The following RAP1A variants were observed in gnomAD, a reference collection of about 807,000 sequenced individuals.
The protein encoded by RAP1A is ras-related protein Rap-1A.
Under a neutral mutation model 26.4 loss-of-function variants are expected in RAP1A, and 6 were observed. That is an observed-to-expected ratio of 0.23 (90% CI 0.12 to 0.45). The LOEUF is 0.45. RAP1A is among the 20% of genes least tolerant of loss of function. The pLI, the probability that RAP1A is intolerant of heterozygous loss-of-function variation, is 0.99. For synonymous variants in RAP1A, 73 were observed against 79.4 expected (o/e 0.92, Z 0.43); for missense variants, 121 against 217.2 (o/e 0.56, Z 2.78).
intron 1 of RAP1A, among the ~76,000 whole-genome samples, chr1:111,638,856 T>G (rs1659804498): frequency 6.7e-6 from 1 of 149,694 alleles, no homozygotes; most frequent in African/African-American, 2.5e-5. Flanking sequence ...TGGCTAGGTG[T>G]TGGTTTTTAT....
intron 1 of RAP1A, among the ~76,000 whole-genome samples, chr1:111,675,957 G>T (rs1205917045): frequency 2.0e-5 from 3 of 152,194 alleles, no homozygotes; most frequent in African/African-American, 7.2e-5. Context: ...CCTTATCAAA[G>T]ATCTTGTGAG....
intron 1 of RAP1A, among the ~76,000 whole-genome samples, chr1:111,581,646 T>C (rs1244579118): frequency 6.6e-6 from 1 of 152,214 alleles, no homozygotes; most frequent in East Asian, 1.9e-4. Context: ...ATAAATAGAT[T>C]CCATCCTGTT....
chr1:111,599,169 G>T (rs1404989389), intron 1 of RAP1A, among the ~76,000 whole-genome samples: 7 of 151,910 alleles, frequency 4.6e-5, no homozygotes, highest in African/African-American at 1.5e-4. Flanking sequence ...CATTACATAG[G>T]CATGATTCAT....
At chr1:111,692,703 A>G (rs969913648) in intron 2 of RAP1A, among the ~76,000 whole-genome samples, 3 of 152,192 alleles carry the variant, frequency 2.0e-5, no homozygotes, top group Non-Finnish European at 4.4e-5. Context: ...CCGATATGTA[A>G]TGATATCCAA....
chr1:111,679,892 G>A (rs1256890507), intron 1 of RAP1A, among the ~76,000 whole-genome samples: 1 of 152,210 alleles, frequency 6.6e-6, no homozygotes, highest in Non-Finnish European at 1.5e-5. Flanking sequence ...GCCCCAGTCA[G>A]GGGCTTTATA....
At chr1:111,583,919 T>C in intron 1 of RAP1A, among the ~76,000 whole-genome samples, 1 of 144,042 alleles carries the variant, frequency 6.9e-6, no homozygotes, top group Admixed American at 7.3e-5. Flanking sequence ...CTCACTCTGT[T>C]GCCCAGGCTG....
chr1:111,672,451 T>G (rs1478092765), intron 1 of RAP1A, among the ~76,000 whole-genome samples: 1 of 152,202 alleles, frequency 6.6e-6, no homozygotes, highest in Non-Finnish European at 1.5e-5. Flanking sequence ...GAATCGAGTC[T>G]AAATCTCTGA....
chr1:111,587,085 A>C (rs55909365), intron 1 of RAP1A, among the ~76,000 whole-genome samples: 40,617 of 151,430 alleles, frequency 0.27, 7,004 homozygotes, highest in African/African-American at 0.5. Context: ...TCCCAGCCCT[A>C]CTCCTCCTTG....
intron 5 of RAP1A, 102 bp from the exon 6 acceptor site, chr1:111,704,241 C>G: frequency 8.0e-7 from 1 of 1,252,616 alleles, no homozygotes; most frequent in Non-Finnish European, 1.1e-6. Context: ...GCGGTCCCAA[C>G]TAATGCATTT....
chr1:111,690,803 G>A (rs1334724902), intron 1 of RAP1A, among the ~76,000 whole-genome samples: 1 of 152,110 alleles, frequency 6.6e-6, no homozygotes, highest in Non-Finnish European at 1.5e-5. Context: ...TGCCTATAGT[G>A]TTTAGCAATT....
intron 1 of RAP1A, among the ~76,000 whole-genome samples, chr1:111,609,437 A>G (rs1192990708): frequency 6.6e-6 from 1 of 151,976 alleles, no homozygotes; most frequent in Non-Finnish European, 1.5e-5. Context: ...TTTTACTTAA[A>G]TGTTAGTCAT....
intron 1 of RAP1A, among the ~76,000 whole-genome samples, chr1:111,591,337 C>T (rs1248842857): frequency 6.6e-6 from 1 of 151,988 alleles, no homozygotes; most frequent in Admixed American, 6.6e-5. Context: ...TTAATTTCTG[C>T]TCTGTTAATA....
In RAP1A at chr1:111,715,327, C is replaced by T. The variant is rs540977117; in HGVS notation, c.*2926C>T. 6.6e-6 allele frequency: 1 copy of T among 151,320 alleles called. No individual in the cohort carries two copies. The highest frequency in any genetic ancestry group is 1.5e-5 in the Non-Finnish European group (1 of 67,796). 9.4% of individuals were successfully genotyped at this position (151,320 alleles called of 1,614,324 possible). ...TCCTGACTTCGTGATCCGCCCCCCC[C>T]TCAGCCTCCCAAAGTGCTGGGATTA... On this transcript the variant is annotated 3_prime_UTR_variant, in exon 8 of 8. Coordinates refer to ENST00000369709, the MANE Select transcript of RAP1A (RefSeq NM_002884.4).
chr1:111,678,966 T>A lies in RAP1A; in HGVS notation c.-27-12368T>A, dbSNP rs1016045206. On this transcript the variant is annotated intron_variant, in intron 1 of 7. Transcript: ENST00000369709. ...GAAGTGGTAAGAGTAGACATATTGATACAATAAAAAGAAAAACCATATACT... is the reference window on the plus strand; with the variant it reads ...GAAGTGGTAAGAGTAGACATATTGAAACAATAAAAAGAAAAACCATATACT... 2.0e-5 allele frequency among the ~76,000 whole-genome samples: 3 copies of A among 152,088 alleles called. No homozygotes were observed. The South Asian group carries it at 6.2e-4, about 32-fold the overall frequency.
At chr1:111,563,221 G>A (rs1188841058) in intron 1 of RAP1A, among the ~76,000 whole-genome samples, 1 of 152,082 alleles carries the variant, frequency 6.6e-6, no homozygotes, top group East Asian at 1.9e-4. Flanking sequence ...GCCACGATGA[G>A]CCATGATTAG....
chr1:111,688,265 C>CTGTGTGTGTG (rs60277735), intron 1 of RAP1A, among the ~76,000 whole-genome samples: 8 of 135,408 alleles, frequency 5.9e-5, no homozygotes, highest in East Asian at 2.1e-4. Context: ...CACAAGAAGT[C>CTGTGTGTGTG]TGTGTGTGTG....
intron 6 of RAP1A, 93 bp downstream of exon 6, chr1:111,704,579 AAGCAATCTTG>A: frequency 3.8e-6 from 5 of 1,304,966 alleles, no homozygotes; most frequent in Non-Finnish European, 5.1e-6. Context: ...TTTATCTTTT[AAGCAATCTTG>A]ATTCCATAAT....
intron 1 of RAP1A, among the ~76,000 whole-genome samples, chr1:111,642,645 G>A (rs1326235195): frequency 1.3e-5 from 2 of 150,372 alleles, no homozygotes; most frequent in East Asian, 2.0e-4. Context: ...CTGCCACCAC[G>A]CGCGGCTAGT....
chr1:111,710,629 C>T (rs1166338450), intron 7 of RAP1A, among the ~76,000 whole-genome samples: 1 of 152,180 alleles, frequency 6.6e-6, no homozygotes, highest in Non-Finnish European at 1.5e-5. Context: ...CAATTAACTA[C>T]TGTGTGCTTC....
Sources: allele counts gnomAD v4.1 joint callset (sites outside exome capture counted in the v4.1 genomes callset), GRCh38; gene constraint gnomAD v4.1.1; transcripts MANE v1.5; gene names NCBI Gene and HGNC (gene_info 2026-07-23, HGNC 2026-07-21).